Variants in NBEA observed in about 807,000 individuals in gnomAD.
The protein encoded by NBEA is lysosomal-trafficking regulator 2.
In NBEA, 44 loss-of-function variants were observed where a neutral mutation model predicts 343.4. That is an observed-to-expected ratio of 0.13 (90% CI 0.10 to 0.16). The LOEUF (loss-of-function observed/expected upper bound fraction) is 0.16. Ranked by LOEUF, NBEA falls within the 10% of genes least tolerant of loss-of-function variation. The pLI, the probability that NBEA is intolerant of heterozygous loss-of-function variation, is 1.00. For missense variants in NBEA, 2,555 were observed against 3,631.3 expected (o/e 0.70, Z 7.62); for synonymous variants, 1,175 against 1,238.7 (o/e 0.95, Z 1.08).
At chr13:35,073,746 C>G (rs2063983061) in intron 10 of NBEA, among the ~76,000 whole-genome samples, 1 of 151,944 alleles carries the variant, frequency 6.6e-6, no homozygotes, top group African/African-American at 2.4e-5. Context: ...TTCAAGACAG[C>G]CTGGACAACA....
intron 43 of NBEA, among the ~76,000 whole-genome samples, chr13:35,554,331 A>T (rs758589308): frequency 1.3e-5 from 2 of 152,170 alleles, no homozygotes; most frequent in Non-Finnish European, 2.9e-5. Flanking sequence ...GCTTTATCAT[A>T]CTTTTCTAAA....
In NBEA at chr13:35,343,404, A is replaced by G. The variant is rs148411401; in HGVS notation, c.5904-5704A>G. Among the ~76,000 whole-genome samples the G allele has an allele frequency of 5.9e-3, 905 of 152,226 alleles. 12 individuals carry two copies. The highest frequency in any genetic ancestry group is 0.021 in the African/African-American group (862 of 41,554). ...AATAACATAATTAGCATTTGATACTATTGATATATAGAACTTTTCACCCAA... is the reference window on the plus strand; with the variant it reads ...AATAACATAATTAGCATTTGATACTGTTGATATATAGAACTTTTCACCCAA... On this transcript the variant is annotated intron_variant, in intron 36 of 58. Transcript: ENST00000379939.
intron 17 of NBEA, among the ~76,000 whole-genome samples, chr13:35,136,624 T>C (rs2067744224): frequency 6.6e-6 from 1 of 152,184 alleles, no homozygotes; most frequent in East Asian, 1.9e-4. Flanking sequence ...AAAAAAGAAG[T>C]ACTTTCAAAT....
chr13:35,376,465 G>A (rs962313176), intron 38 of NBEA, among the ~76,000 whole-genome samples: 2 of 152,038 alleles, frequency 1.3e-5, no homozygotes, highest in African/African-American at 4.8e-5. Context: ...TAATTATAGT[G>A]TTACTATTAT....
chr13:35,579,264 T>C (rs2080893525), intron 45 of NBEA, among the ~76,000 whole-genome samples: 1 of 152,160 alleles, frequency 6.6e-6, no homozygotes, highest in Non-Finnish European at 1.5e-5. Flanking sequence ...ATCAGATCAA[T>C]CCACATTTAT....
chr13:35,406,965 T>G (rs993375388), intron 38 of NBEA, among the ~76,000 whole-genome samples: 1 of 145,522 alleles, frequency 6.9e-6, no homozygotes, highest in Non-Finnish European at 1.5e-5. Flanking sequence ...TCTTTGCTCT[T>G]TTTTTTTTTT....
intron 34 of NBEA, chr13:35,251,511 G>T: frequency 9.1e-7 from 1 of 1,104,430 alleles, no homozygotes; most frequent in African/African-American, 1.7e-5. Context: ...AGTGAGCAGC[G>T]GCCACCTCTG....
chr13:35,558,956 A>G (rs1406919718), intron 44 of NBEA, among the ~76,000 whole-genome samples: 2 of 152,246 alleles, frequency 1.3e-5, no homozygotes, highest in African/African-American at 4.8e-5. Flanking sequence ...GATGTAGATG[A>G]CTATCCAGGC....
At position 34,974,879 on chromosome 13, in the gene NBEA, T is replaced by A. The variant is rs1243032214; in HGVS notation, c.294+31765T>A. On this transcript the variant is annotated intron_variant, in intron 1 of 58. Coordinates refer to ENST00000379939, the MANE Select transcript of NBEA (RefSeq NM_001385012.1). ...TTCACTTGCTGGTTCAATTGAAATG[T>A]TTTTACTTAAATACCTATTAAACAT... Among the ~76,000 whole-genome samples, 3 of 152,166 alleles carry A rather than the reference T, an allele frequency of 2.0e-5. No homozygotes were observed. In the East Asian group the frequency reaches 5.8e-4, roughly 29 times the overall value.
chr13:35,618,854 G>A (rs2082851981), intron 48 of NBEA, among the ~76,000 whole-genome samples: 1 of 151,962 alleles, frequency 6.6e-6, no homozygotes, highest in Non-Finnish European at 1.5e-5. Context: ...CCCTTTCACG[G>A]ATGTGCATTG....
chr13:35,040,217 T>C (rs1593550769), intron 1 of NBEA, among the ~76,000 whole-genome samples: 1 of 152,082 alleles, frequency 6.6e-6, no homozygotes. Context: ...GAGTAAAGAG[T>C]GTTATTATGT....
At chr13:35,666,710 T>A (rs2085372257) in intron 56 of NBEA, among the ~76,000 whole-genome samples, 1 of 152,238 alleles carries the variant, frequency 6.6e-6, no homozygotes. Context: ...TTTTATGAAT[T>A]GATCAGTGAA....
chr13:35,331,850 A>C (rs537563612), intron 36 of NBEA, among the ~76,000 whole-genome samples: 10 of 152,196 alleles, frequency 6.6e-5, no homozygotes, highest in African/African-American at 1.9e-4. Context: ...TAGAAAATGA[A>C]CATCACTTCA....
At chr13:35,449,370 T>A (rs2046191247) in intron 39 of NBEA, among the ~76,000 whole-genome samples, 2 of 152,230 alleles carry the variant, frequency 1.3e-5, no homozygotes, top group Admixed American at 6.5e-5. Flanking sequence ...ACTAGGGCAG[T>A]GGCAGTCACC....
chr13:35,010,885 C>T (rs1031691218), intron 1 of NBEA, among the ~76,000 whole-genome samples: 2 of 150,262 alleles, frequency 1.3e-5, no homozygotes, highest in Non-Finnish European at 3.0e-5. Flanking sequence ...CCATGTTTGC[C>T]TGGGTGACAG....
At chr13:35,427,546 G>C (rs1267123077) in intron 38 of NBEA, among the ~76,000 whole-genome samples, 2 of 152,090 alleles carry the variant, frequency 1.3e-5, no homozygotes, top group South Asian at 2.1e-4. Flanking sequence ...CGCCCCTACT[G>C]GGGGGTGCCT....
At chr13:35,313,762 T>A (rs1290972688) in intron 36 of NBEA, among the ~76,000 whole-genome samples, 1 of 152,076 alleles carries the variant, frequency 6.6e-6, no homozygotes, top group East Asian at 1.9e-4. Flanking sequence ...AGAGAGGTAT[T>A]TTTTGAAAAA....
chr13:34,987,610 C>A (rs1379048087), intron 1 of NBEA, among the ~76,000 whole-genome samples: 1 of 150,910 alleles, frequency 6.6e-6, no homozygotes, highest in African/African-American at 2.4e-5. Flanking sequence ...GTTCCATTAT[C>A]CCCATCACTT....
chr13:35,142,222 G>T, intron 17 of NBEA, 47 bp from the exon 18 acceptor site: 2 of 1,193,432 alleles, frequency 1.7e-6, no homozygotes, highest in Non-Finnish European at 2.5e-6. Flanking sequence ...TGTGATCGGA[G>T]AATCCAATGT....
Sources: allele counts gnomAD v4.1 joint callset (sites outside exome capture counted in the v4.1 genomes callset), GRCh38; gene constraint gnomAD v4.1.1; transcripts MANE v1.5; gene names NCBI Gene and HGNC (gene_info 2026-07-23, HGNC 2026-07-21).